SASH1: variants seen among roughly 807,000 people sequenced by gnomAD.
The protein encoded by SASH1 is SAM and SH3 domain-containing protein 1.
Under a neutral mutation model 125.2 loss-of-function variants are expected in SASH1, and 44 were observed. The observed-to-expected ratio is 0.35, with a 90% confidence interval of 0.28 to 0.45. The LOEUF (loss-of-function observed/expected upper bound fraction) is 0.45. Among genes scored for constraint, SASH1 ranks in the 20% least tolerant of loss-of-function variants. The probability of loss-of-function intolerance (pLI) is 1.00; values close to 1 mark genes in which losing one functional copy is unlikely to be tolerated. For missense variants in SASH1, 1,426 were observed against 1,614.5 expected (o/e 0.88, Z 2.00); for synonymous variants, 639 against 649.1 (o/e 0.98, Z 0.24).
chr6:148,456,900 T>TAATA (rs150080447), intron 4 of SASH1, among the ~76,000 whole-genome samples: 6 of 146,710 alleles, frequency 4.1e-5, no homozygotes, highest in African/African-American at 1.5e-4. Flanking sequence ...ATAATAATAA[T>TAATA]ATAATGTAAA....
At chr6:148,391,631 TC>T (rs1358113004) in intron 2 of SASH1, among the ~76,000 whole-genome samples, 1 of 152,210 alleles carries the variant, frequency 6.6e-6, no homozygotes, top group Non-Finnish European at 1.5e-5. Flanking sequence ...ATGTGTATAA[TC>T]AGAGATGCAT....
At chr6:148,375,181 A>G (rs1245096834) in intron 1 of SASH1, among the ~76,000 whole-genome samples, 9 of 149,050 alleles carry the variant, frequency 6.0e-5, no homozygotes, top group Non-Finnish European at 1.5e-5. Context: ...TTGTAGAGAT[A>G]GGGTTTCACC....
At chr6:148,344,628 A>G (rs1781460985) in intron 1 of SASH1, among the ~76,000 whole-genome samples, 1 of 152,086 alleles carries the variant, frequency 6.6e-6, no homozygotes, top group Non-Finnish European at 1.5e-5. Flanking sequence ...ACCTAAATCT[A>G]ATATATATTT....
At chr6:148,267,107 C>T in the SASH1 span, among the ~76,000 whole-genome samples, 1 of 152,178 alleles carries the variant, frequency 6.6e-6, no homozygotes, top group Non-Finnish European at 1.5e-5. Context: ...TAATAACCAA[C>T]TCTAACCTAC....
At chr6:148,441,778 G>A (rs1776557716) in intron 4 of SASH1, among the ~76,000 whole-genome samples, 1 of 152,152 alleles carries the variant, frequency 6.6e-6, no homozygotes, top group Non-Finnish European at 1.5e-5. Flanking sequence ...TAGTTAGGCT[G>A]GGTAGTACTT....
At chr6:148,201,560 T>C in the SASH1 span, among the ~76,000 whole-genome samples, 9 of 152,154 alleles carry the variant, frequency 5.9e-5, no homozygotes, top group Non-Finnish European at 1.2e-4. Context: ...CCGATACTGC[T>C]GATCTCGGGG....
intron 8 of SASH1, among the ~76,000 whole-genome samples, chr6:148,497,043 C>T (rs1489454433): frequency 6.6e-6 from 1 of 151,948 alleles, no homozygotes; most frequent in Non-Finnish European, 1.5e-5. Flanking sequence ...GGAAGTATTA[C>T]TCTGTATTTT....
chr6:148,270,011 C>A (rs568403655), upstream of SASH1, among the ~76,000 whole-genome samples: 1 of 148,592 alleles, frequency 6.7e-6, no homozygotes, highest in East Asian at 2.0e-4. Context: ...CACCATAGAC[C>A]GATATACACT....
intron 7 of SASH1, among the ~76,000 whole-genome samples, chr6:148,476,274 C>CAAAAAAAAAAAAAAAAA (rs35854127): frequency 2.3e-5 from 2 of 88,148 alleles, no homozygotes. Context: ...AAAAGGACAC[C>CAAAAAAAAAAAAAAAAA]AAAAAAAAAA....
At chr6:148,335,960 A>G (rs1274301619) in intron 1 of SASH1, among the ~76,000 whole-genome samples, 1 of 152,102 alleles carries the variant, frequency 6.6e-6, no homozygotes, top group Non-Finnish European at 1.5e-5. Context: ...AAAAACAAAA[A>G]GAGGGTAAAA....
At chr6:148,295,247 G>C (rs1018140944) in intron 1 of SASH1, among the ~76,000 whole-genome samples, 1 of 152,230 alleles carries the variant, frequency 6.6e-6, no homozygotes, top group African/African-American at 2.4e-5. Flanking sequence ...CCCTAGTCTT[G>C]ATGCTGCAGT....
chr6:148,245,989 C>CAA, the SASH1 span, among the ~76,000 whole-genome samples: 18 of 139,608 alleles, frequency 1.3e-4, no homozygotes, highest in Admixed American at 4.3e-4. Context: ...TCTAAAAAAA[C>CAA]AAAAAAAAAA....
chr6:148,470,299 G>A (rs183897519), intron 5 of SASH1, among the ~76,000 whole-genome samples: 3 of 152,212 alleles, frequency 2.0e-5, no homozygotes, highest in East Asian at 1.9e-4. Context: ...GACAGACGAC[G>A]CCCTTTCTAG....
At position 148,371,111 on chromosome 6, in the gene SASH1, C is replaced by T. The variant is rs561727730; in HGVS notation, c.157-19023C>T. Among the ~76,000 whole-genome samples, 13 of 152,266 alleles carry T rather than the reference C, an allele frequency of 8.5e-5. No individual in the cohort carries two copies. In the East Asian group the frequency reaches 1.9e-3, roughly 23 times the overall value. On this transcript the variant is annotated intron_variant, in intron 1 of 19. Transcript: ENST00000367467. ...AGGAGTGGCCAATCTCCCTTCCCTC[C>T]TCCATGTTTTACCTTCTAAGGTCTT...
Position 148,393,790 on chromosome 6 carries a change from G to A in SASH1, c.285+3528G>A, listed in dbSNP as rs946277304. On this transcript the variant is annotated intron_variant, in intron 2 of 19. Transcript: ENST00000367467. ...ATTTGGTGGTGAGTAAAATTGATGG[G>A]AGCTGATTCAAGCCAGGCTGGAAGC... 6.6e-6 allele frequency: 6 copies of A among 911,568 alleles called. No homozygotes were observed. In the African/African-American group the frequency reaches 1.1e-4, roughly 16 times the overall value. The allele number at this position is 911,568 out of a possible 1,614,324, so 56.5% of individuals were successfully genotyped here. A position where few individuals can be genotyped will look rare whatever the true frequency, so the allele number is the denominator to read the frequency against.
intron 2 of SASH1, among the ~76,000 whole-genome samples, chr6:148,424,422 C>T (rs764617552): frequency 1.1e-4 from 16 of 152,196 alleles, no homozygotes; most frequent in Non-Finnish European, 2.4e-4. Flanking sequence ...GACGGGGTTT[C>T]ACCATGTTGG....
intron 1 of SASH1, among the ~76,000 whole-genome samples, chr6:148,331,197 A>G (rs1011775154): frequency 1.3e-5 from 2 of 152,188 alleles, no homozygotes; most frequent in African/African-American, 4.8e-5. Flanking sequence ...TGTGTTACCA[A>G]ATTTTTCCGA....
chr6:148,522,975 T>TATC (rs1462226071), intron 10 of SASH1, among the ~76,000 whole-genome samples: 1 of 152,270 alleles, frequency 6.6e-6, no homozygotes, highest in Admixed American at 6.5e-5. Flanking sequence ...CAATTCCAGA[T>TATC]ATCTTAGCCT....
At chr6:148,279,045 G>A (rs1779264213) in intron 1 of SASH1, among the ~76,000 whole-genome samples, 1 of 151,386 alleles carries the variant, frequency 6.6e-6, no homozygotes, top group African/African-American at 2.4e-5. Context: ...CAGGCTGAGT[G>A]CAGTGGTGCG....
Sources: allele counts gnomAD v4.1 joint callset (sites outside exome capture counted in the v4.1 genomes callset), GRCh38; gene constraint gnomAD v4.1.1; transcripts MANE v1.5; gene names NCBI Gene and HGNC (gene_info 2026-07-23, HGNC 2026-07-21).